The following PCDHA13 variants were observed in gnomAD, a reference collection of about 807,000 sequenced individuals.
PCDHA13 encodes the protein protocadherin alpha-13.
In PCDHA13, 54 loss-of-function variants were observed where a neutral mutation model predicts 64.8. The ratio of observed to expected loss-of-function variants is 0.83; its 90% CI spans 0.67 to 1.04. The LOEUF is 1.04. Among genes scored for constraint, PCDHA13 ranks in the 50% least tolerant of loss-of-function variants. PCDHA13 has a pLI of 0.00. For missense variants in PCDHA13, 1,248 were observed against 1,254.3 expected, an observed-to-expected ratio of 0.99 and a Z score of 0.08; for synonymous variants, 587 against 564.4, an observed-to-expected ratio of 1.04 and a Z score of -0.57.
intron 1 of PCDHA13, chr5:140,927,862 G>A (rs1397918624): frequency 2.5e-6 from 4 of 1,614,082 alleles, no homozygotes; most frequent in African/African-American, 2.7e-5. Context: ...AGCTAGCACC[G>A]CTAAACTGCT....
At chr5:140,960,279 T>A (rs1220391317) in intron 1 of PCDHA13, among the ~76,000 whole-genome samples, 1 of 152,216 alleles carries the variant, frequency 6.6e-6, no homozygotes, top group African/African-American at 2.4e-5. Flanking sequence ...GTCACCTTTT[T>A]GGGACCCAGT....
At chr5:140,920,859 C>T in intron 1 of PCDHA13, among the ~76,000 whole-genome samples, 1 of 142,452 alleles carries the variant, frequency 7.0e-6, no homozygotes, top group African/African-American at 2.6e-5. Flanking sequence ...AAAAAAAAAA[C>T]AAACAAACTG....
At chr5:140,944,413 C>T (rs892243235) in intron 1 of PCDHA13, among the ~76,000 whole-genome samples, 3 of 152,292 alleles carry the variant, frequency 2.0e-5, no homozygotes, top group African/African-American at 7.2e-5. Context: ...TCTCGAACTC[C>T]TGATCTGAAG....
intron 1 of PCDHA13, among the ~76,000 whole-genome samples, chr5:140,943,121 G>A (rs1225385839): frequency 3.3e-5 from 5 of 151,916 alleles, no homozygotes; most frequent in African/African-American, 4.8e-5. Flanking sequence ...AGCCAGGTGT[G>A]GTAGTGGGTG....
intron 1 of PCDHA13, among the ~76,000 whole-genome samples, chr5:140,914,110 A>G (rs889499995): frequency 6.6e-6 from 1 of 152,168 alleles, no homozygotes; most frequent in Non-Finnish European, 1.5e-5. Flanking sequence ...GTGCAGATTA[A>G]GTCTGATGTT....
chr5:140,915,049 G>A (rs141616466), intron 1 of PCDHA13, among the ~76,000 whole-genome samples: 6,100 of 150,756 alleles, frequency 0.04, 138 homozygotes, highest in Non-Finnish European at 0.052. Flanking sequence ...GGGTTCAAGC[G>A]ATTCTCCTGC....
rs2153463747 is a variant in PCDHA13 at position 140,899,363 on chromosome 5, C to G, written c.2394+14701C>G. On this transcript the variant is annotated intron_variant, in intron 1 of 3. Coordinates refer to ENST00000289272, the MANE Select transcript of PCDHA13 (RefSeq NM_018904.3). ...AGCTCTTATTATTTTGAGATATGTC[C>G]CATCAATACCTAATTTATTGAGAGT... Among the ~76,000 whole-genome samples, 3 of 152,122 alleles carry G rather than the reference C, an allele frequency of 2.0e-5. No individual in the cohort carries two copies. The South Asian group carries it at 6.2e-4, about 32-fold the overall frequency.
chr5:140,967,828 C>T (rs2096188201), intron 1 of PCDHA13: 2 of 1,614,028 alleles, frequency 1.2e-6, no homozygotes, highest in Non-Finnish European at 1.7e-6. Flanking sequence ...TGCTGGTGGA[C>T]ATCGTGGACG....
intron 3 of PCDHA13, chr5:140,989,000 GAGACTTATTAT>G (rs2097324899): frequency 6.6e-6 from 1 of 152,202 alleles, no homozygotes; most frequent in Non-Finnish European, 1.5e-5. Flanking sequence ...TAAGGAAATA[GAGACTTATTAT>G]AGTTTCTTCA....
chr5:140,996,293 A>T (rs1481852263), intron 3 of PCDHA13, among the ~76,000 whole-genome samples: 1 of 152,264 alleles, frequency 6.6e-6, no homozygotes, highest in African/African-American at 2.4e-5. Context: ...CAAGAAGCAC[A>T]GATTGTAACA....
intron 1 of PCDHA13, among the ~76,000 whole-genome samples, chr5:140,947,914 GCCTTAAC>G (rs2094192185): frequency 6.6e-6 from 1 of 151,456 alleles, no homozygotes. Context: ...AGACATTCTT[GCCTTAAC>G]CCTGATCTTA....
chr5:140,912,533 A>G (rs570012858), intron 1 of PCDHA13, among the ~76,000 whole-genome samples: 1 of 152,224 alleles, frequency 6.6e-6, no homozygotes, highest in African/African-American at 2.4e-5. Flanking sequence ...AGAGTACATG[A>G]TCATATTGTC....
Sources: gnomAD v4.1 joint callset for allele counts (sites outside exome capture counted in the v4.1 genomes callset) on GRCh38, gnomAD v4.1.1 for gene constraint, MANE v1.5 for transcripts, NCBI Gene and HGNC (gene_info 2026-07-23, HGNC 2026-07-21) for gene names.